MITF: variants seen among roughly 807,000 people sequenced by gnomAD.
MITF encodes the protein microphthalmia-associated transcription factor.
Under a neutral mutation model 60.5 loss-of-function variants are expected in MITF, and 17 were observed. The observed-to-expected ratio is 0.28, with a 90% CI of 0.19 to 0.42. MITF has a LOEUF of 0.42. Among genes scored for constraint, MITF ranks in the 10% least tolerant of loss-of-function variants. The probability of loss-of-function intolerance (pLI) is 1.00; values close to 1 mark genes in which losing one functional copy is unlikely to be tolerated. For synonymous variants in MITF, 260 were observed against 248.5 expected, an observed-to-expected ratio of 1.05 and a Z score of -0.43; for missense variants, 622 against 683.5, an observed-to-expected ratio of 0.91 and a Z score of 1.00.
At chr3:69,797,523 G>A (rs2062850932) in intron 1 of MITF, among the ~76,000 whole-genome samples, 1 of 152,156 alleles carries the variant, frequency 6.6e-6, no homozygotes, top group Non-Finnish European at 1.5e-5. Flanking sequence ...CTTAGATTTT[G>A]AAGGGGTATA....
At chr3:69,840,042 G>A (rs904799266) in intron 1 of MITF, among the ~76,000 whole-genome samples, 1 of 152,058 alleles carries the variant, frequency 6.6e-6, no homozygotes, top group South Asian at 2.1e-4. Flanking sequence ...CAGTAATTTA[G>A]GAGCTTTTAA....
At chr3:69,906,680 C>T (rs796474563) in intron 2 of MITF, among the ~76,000 whole-genome samples, 1 of 152,094 alleles carries the variant, frequency 6.6e-6, no homozygotes, top group Non-Finnish European at 1.5e-5. Context: ...TTTATCACTT[C>T]GGAAGTGACT....
At chr3:69,756,407 GT>G (rs1319035384) in intron 1 of MITF, among the ~76,000 whole-genome samples, 1 of 152,090 alleles carries the variant, frequency 6.6e-6, no homozygotes, top group East Asian at 1.9e-4. Flanking sequence ...TCCTGTGATA[GT>G]TTGCTGGGAA....
rs2107277448 is a variant in MITF at position 69,879,278 on chromosome 3, C to T, written c.249C>T (p.Ala83=). Residue 83 remains alanine, a synonymous_variant, in exon 2 of 10, where the codon GCC becomes GCT. Transcript: ENST00000352241. ...AGCAGCAGCAGAAGCTGCAGGCGGC[C>T]CAGTTCATGCAACAGAGAGTGCCCG... ...RREQQQKLQA[A]QFMQQRVPVS... The T allele has an allele frequency of 3.1e-6, 5 of 1,614,214 alleles. No individual in the cohort carries two copies. Among genetic ancestry groups the T allele is most frequent in the Non-Finnish European group, 4.2e-6 (5 of 1,180,040 alleles).
chr3:69,966,617 A>G lies in MITF; in HGVS notation c.*1369A>G. On this transcript the variant is annotated 3_prime_UTR_variant, in exon 10 of 10. Transcript: ENST00000352241. ...ATTGGGAAGTTACTGTTACTTGATA[A>G]CAATGTTTTAACAAGAAGCAATGTT... 1 of 233,198 alleles carries G rather than the reference A, an allele frequency of 4.3e-6. No homozygotes were observed. The highest frequency in any genetic ancestry group is 8.5e-6 in the Non-Finnish European group (1 of 117,762). 14.4% of individuals were successfully genotyped at this position (233,198 alleles called of 1,614,324 possible).
At chr3:69,922,788 T>C (rs1236920984) in intron 2 of MITF, among the ~76,000 whole-genome samples, 1 of 152,190 alleles carries the variant, frequency 6.6e-6, no homozygotes, top group Non-Finnish European at 1.5e-5. Context: ...GTCTGGAAGA[T>C]TGTTTGTTTG....
At chr3:69,803,085 A>G (rs1406131593) in intron 1 of MITF, among the ~76,000 whole-genome samples, 2 of 152,162 alleles carry the variant, frequency 1.3e-5, no homozygotes, top group Non-Finnish European at 2.9e-5. Flanking sequence ...CCCACAGTCC[A>G]TATTCTTATG....
At chr3:69,803,390 A>G (rs1322021107) in intron 1 of MITF, among the ~76,000 whole-genome samples, 2 of 152,162 alleles carry the variant, frequency 1.3e-5, no homozygotes, top group Admixed American at 6.5e-5. Flanking sequence ...TCCTTTCAGA[A>G]ACAGGGGCTG....
At chr3:69,889,222 A>G (rs1281964391) in intron 2 of MITF, among the ~76,000 whole-genome samples, 1 of 151,614 alleles carries the variant, frequency 6.6e-6, no homozygotes, top group Non-Finnish European at 1.5e-5. Flanking sequence ...GATGGACCTC[A>G]TTATGCTTTG....
intron 9 of MITF, among the ~76,000 whole-genome samples, chr3:69,964,242 A>C (rs1255424137): frequency 6.6e-6 from 1 of 151,840 alleles, no homozygotes; most frequent in Non-Finnish European, 1.5e-5. Flanking sequence ...CCTCCCAAAT[A>C]ATATTTTTCT....
At chr3:69,796,402 A>G (rs6781171) in intron 1 of MITF, among the ~76,000 whole-genome samples, 3 of 151,366 alleles carry the variant, frequency 2.0e-5, no homozygotes, top group South Asian at 4.1e-4. Flanking sequence ...TTTAGTGCCT[A>G]TGAGGAATTT....
At chr3:69,815,311 A>T (rs2107018166) in intron 1 of MITF, among the ~76,000 whole-genome samples, 1 of 152,114 alleles carries the variant, frequency 6.6e-6, no homozygotes, top group East Asian at 1.9e-4. Flanking sequence ...AATAAGGTTG[A>T]CTCTGGACAA....
At chr3:69,946,371 A>G (rs574245168) in intron 5 of MITF, among the ~76,000 whole-genome samples, 2 of 152,146 alleles carry the variant, frequency 1.3e-5, no homozygotes, top group African/African-American at 4.8e-5. Context: ...TTATTTCCTC[A>G]GGTCTAATTG....
chr3:69,903,570 G>C (rs987652904), intron 2 of MITF, among the ~76,000 whole-genome samples: 4 of 152,056 alleles, frequency 2.6e-5, no homozygotes, highest in Non-Finnish European at 5.9e-5. Flanking sequence ...TTCTCTAAGG[G>C]CAGCTAATTT....
chr3:69,763,884 A>T, intron 1 of MITF: 2 of 1,379,594 alleles, frequency 1.4e-6, no homozygotes, highest in African/African-American at 2.9e-5. Flanking sequence ...CCCACGAGCT[A>T]TTTTCTCTCT....
chr3:69,950,448 T>TTTTATA (rs1491218215), intron 6 of MITF, among the ~76,000 whole-genome samples: 12 of 130,792 alleles, frequency 9.2e-5, no homozygotes, highest in African/African-American at 3.5e-4. Context: ...AACTTCTGAG[T>TTTTATA]TATATATATA....
intron 2 of MITF, among the ~76,000 whole-genome samples, chr3:69,889,570 T>C (rs1198378506): frequency 6.6e-6 from 1 of 151,984 alleles, no homozygotes; most frequent in Non-Finnish European, 1.5e-5. Context: ...CAACATGTAA[T>C]CAGTATAAAA....
At chr3:69,846,971 C>A (rs186968604) in intron 1 of MITF, among the ~76,000 whole-genome samples, 2 of 151,800 alleles carry the variant, frequency 1.3e-5, no homozygotes, top group East Asian at 3.9e-4. Flanking sequence ...ATATTTTCTG[C>A]ACTTAGCAAG....
intron 5 of MITF, among the ~76,000 whole-genome samples, chr3:69,948,611 A>C (rs1399754455): frequency 3.3e-5 from 5 of 152,038 alleles, no homozygotes; most frequent in Non-Finnish European, 5.9e-5. Flanking sequence ...GGTGGATACG[A>C]GAAGGAAGGA....
Sources: allele counts gnomAD v4.1 joint callset (sites outside exome capture counted in the v4.1 genomes callset), GRCh38; gene constraint gnomAD v4.1.1; transcripts MANE v1.5; gene names NCBI Gene and HGNC (gene_info 2026-07-23, HGNC 2026-07-21).